MYH14: variants seen among roughly 807,000 people sequenced by gnomAD.
The protein encoded by MYH14 is myosin heavy chain 14.
In MYH14, 123 loss-of-function variants were observed where a neutral mutation model predicts 255.5. That is an observed-to-expected ratio of 0.48 (90% CI 0.42 to 0.56). The LOEUF (loss-of-function observed/expected upper bound fraction) is 0.56, where lower values mean the gene tolerates loss of function less well. MYH14 is among the 20% of genes least tolerant of loss of function. The pLI is 0.00. For synonymous variants in MYH14, 1,095 were observed against 1,161.2 expected (o/e 0.94, Z 1.16); for missense variants, 2,423 against 2,802.3 (o/e 0.86, Z 3.06).
chr19:50,229,581 A>G (rs1406392889), intron 8 of MYH14, among the ~76,000 whole-genome samples: 4 of 152,176 alleles, frequency 2.6e-5, no homozygotes, highest in African/African-American at 2.4e-5. Context: ...CGGAGGTTAC[A>G]GTGAGCTGTG....
At chr19:50,300,433 G>A (rs557193089) in intron 39 of MYH14, among the ~76,000 whole-genome samples, 1 of 152,150 alleles carries the variant, frequency 6.6e-6, no homozygotes, top group African/African-American at 2.4e-5. Flanking sequence ...TTGGCTCTCT[G>A]TATCACCATT....
intron 36 of MYH14, 93 bp downstream of exon 36, chr19:50,291,141 G>A (rs751428655): frequency 1.1e-5 from 14 of 1,277,658 alleles, no homozygotes; most frequent in South Asian, 1.5e-5. Flanking sequence ...CGGACCCCTC[G>A]CTCTCAACCC....
chr19:50,240,230 G>A (rs2033834898), intron 10 of MYH14, among the ~76,000 whole-genome samples: 3 of 152,150 alleles, frequency 2.0e-5, no homozygotes, highest in Admixed American at 1.3e-4. Context: ...GGAGCTGGAT[G>A]TCTATAGTAT....
In MYH14 at chr19:50,307,157, G is replaced by C; in HGVS notation, c.5787G>C (p.Gln1929His). 6.5e-7 allele frequency: 1 copy of C among 1,538,976 alleles called. No homozygotes were observed. The highest frequency in any genetic ancestry group is 2.4e-5 in the East Asian group (1 of 40,854). ...ERRVADQLRDQLEKGNLRVKQ... is the reference protein window; with the variant it reads ...ERRVADQLRDHLEKGNLRVKQ... ...GGGTGGCTGACCAGCTCCGGGACCA[G>C]GTAAGCAGCTGGCATCATTAGGGAG... The change falls in exon 41 of 43, where the codon CAG becomes CAC. Residue 1929 changes from glutamine (Q) to histidine (H), a missense_variant and splice_region_variant. This residue lies in a region of MYH14 where 1,513 missense variants were observed against 1,674.8 expected (regional missense o/e 0.90). Coordinates refer to ENST00000642316, the MANE Select transcript of MYH14 (RefSeq NM_001145809.2).
At chr19:50,232,983 T>C (rs1391190072) in intron 10 of MYH14, among the ~76,000 whole-genome samples, 1 of 152,002 alleles carries the variant, frequency 6.6e-6, no homozygotes, top group Non-Finnish European at 1.5e-5. Flanking sequence ...AGAAGACCCC[T>C]TGGGGGCCGT....
chr19:50,284,913 T>C (rs921633749), intron 33 of MYH14: 1 of 127,630 alleles, frequency 7.8e-6, no homozygotes, highest in East Asian at 2.0e-4. Flanking sequence ...TTTCTTCTTC[T>C]TCTTCTTTTT....
At chr19:50,240,925 C>T (rs7248451) in intron 10 of MYH14, among the ~76,000 whole-genome samples, 55,478 of 151,918 alleles carry the variant, frequency 0.37, 10,535 homozygotes, top group Admixed American at 0.45. Context: ...GCCTCAGTTA[C>T]CCTATCTGTA....
intron 40 of MYH14, among the ~76,000 whole-genome samples, chr19:50,304,702 G>T (rs887398046): frequency 6.6e-6 from 1 of 152,188 alleles, no homozygotes; most frequent in African/African-American, 2.4e-5. Flanking sequence ...ACCATGTCTG[G>T]TGGGATTCCC....
chr19:50,233,134 C>T (rs1000487224), intron 10 of MYH14, among the ~76,000 whole-genome samples: 2 of 151,952 alleles, frequency 1.3e-5, no homozygotes, highest in Admixed American at 6.6e-5. Context: ...AAATGCTCAG[C>T]TCATCACCCC....
intron 10 of MYH14, among the ~76,000 whole-genome samples, chr19:50,233,167 C>T (rs2033491113): frequency 6.8e-6 from 1 of 147,752 alleles, no homozygotes; most frequent in African/African-American, 2.4e-5. Flanking sequence ...CTGTGCCCAC[C>T]CCCACTTTTT....
At chr19:50,207,349 G>C (rs1442363799) in intron 1 of MYH14, among the ~76,000 whole-genome samples, 1 of 145,966 alleles carries the variant, frequency 6.9e-6, no homozygotes, top group Admixed American at 7.0e-5. Context: ...AGGGGGCCAC[G>C]CAGCAGGATA....
chr19:50,252,638 G>T lies in MYH14; in HGVS notation c.1831-1G>T. On this transcript the variant is annotated splice_acceptor_variant, in intron 15 of 42. Coordinates refer to ENST00000642316, the MANE Select transcript of MYH14 (RefSeq NM_001145809.2). LOFTEE classifies it high-confidence loss of function. This position sits in a 1 kb window ranked among gnomAD's most constrained non-coding sequence, Gnocchi z 4.2. Reference sequence around the variant, plus strand: ...GCCCTCCTCTACCTGACTTCATTCAGGTCGACTACAAGGCCAACGAGTGGC... The same window carrying T: ...GCCCTCCTCTACCTGACTTCATTCATGTCGACTACAAGGCCAACGAGTGGC... The T allele has an allele frequency of 6.3e-7, 1 of 1,580,816 alleles. No individual in the cohort carries two copies. Among genetic ancestry groups the T allele is most frequent in the Non-Finnish European group, 8.6e-7 (1 of 1,163,062 alleles).
chr19:50,227,364 G>A (rs1364168730), intron 8 of MYH14, among the ~76,000 whole-genome samples: 3 of 152,098 alleles, frequency 2.0e-5, no homozygotes, highest in African/African-American at 7.2e-5. Flanking sequence ...CACCAGGTGC[G>A]ACAACACTTA....
intron 42 of MYH14, 97 bp from the exon 43 acceptor site, chr19:50,309,543 C>A: frequency 1.2e-6 from 1 of 812,516 alleles, no homozygotes; most frequent in South Asian, 1.6e-5. Flanking sequence ...CTTCCTATCT[C>A]TCTCTCTCTC....
intron 23 of MYH14, 133 bp from the exon 24 acceptor site, chr19:50,268,028 C>A: frequency 8.8e-7 from 1 of 1,133,880 alleles, no homozygotes; most frequent in Non-Finnish European, 1.2e-6. Flanking sequence ...GGTGGGGACA[C>A]CGTGTCCTCC....
chr19:50,292,394 G>A lies in MYH14; in HGVS notation c.5256+5G>A, dbSNP rs1485112302. 2 of 1,563,198 alleles carry A rather than the reference G, an allele frequency of 1.3e-6. No homozygotes were observed. The highest frequency in any genetic ancestry group is 1.7e-6 in the Non-Finnish European group (2 of 1,155,888). On this transcript the variant is annotated splice_donor_5th_base_variant and intron_variant, in intron 37 of 42. Coordinates refer to ENST00000642316, the MANE Select transcript of MYH14 (RefSeq NM_001145809.2). Reference sequence around the variant, plus strand: ...GAGGTGCTGCGGCTGCAGGAGGTGAGGCTGGGGTAGGCTGGGCCCTGGGAC... The same window carrying A: ...GAGGTGCTGCGGCTGCAGGAGGTGAAGCTGGGGTAGGCTGGGCCCTGGGAC...
chr19:50,240,874 A>G (rs1827256793), intron 10 of MYH14, among the ~76,000 whole-genome samples: 1 of 152,236 alleles, frequency 6.6e-6, no homozygotes, highest in Admixed American at 6.5e-5. Flanking sequence ...CAGCTCTGCC[A>G]GCCTATGTGA....
chr19:50,253,337 G>A (rs776585714), intron 16 of MYH14, among the ~76,000 whole-genome samples: 1 of 152,012 alleles, frequency 6.6e-6, no homozygotes, highest in Admixed American at 6.6e-5. Flanking sequence ...CAGCTACTAG[G>A]GAGGCTGAGG....
intron 34 of MYH14, among the ~76,000 whole-genome samples, chr19:50,287,718 T>C (rs553023008): frequency 2.0e-5 from 3 of 152,300 alleles, no homozygotes; most frequent in Admixed American, 1.3e-4. Context: ...TTGCTGAGAA[T>C]TTTCCATTAA....
Sources: gnomAD v4.1 joint callset for allele counts (sites outside exome capture counted in the v4.1 genomes callset) on GRCh38, gnomAD v4.1.1 for gene constraint, gnomAD v4.1.1 regional missense constraint, Gnocchi (gnomAD v3.1) non-coding constraint, MANE v1.5 for transcripts, NCBI Gene and HGNC (gene_info 2026-07-23, HGNC 2026-07-21) for gene names.